The following NELFA variants were observed in gnomAD, a reference collection of about 807,000 sequenced individuals.
NELFA encodes negative elongation factor A.
A neutral mutation model predicts 51.8 loss-of-function variants in NELFA; 35 were observed. The ratio of observed to expected loss-of-function variants is 0.68; its 90% CI spans 0.52 to 0.90. The LOEUF (loss-of-function observed/expected upper bound fraction) is 0.90. NELFA is among the 40% of genes least tolerant of loss of function. The pLI is 0.00. For missense variants in NELFA, 658 were observed against 746.4 expected, an observed-to-expected ratio of 0.88 and a Z score of 1.38; for synonymous variants, 417 against 338.4, an observed-to-expected ratio of 1.23 and a Z score of -2.55.
rs181298673 is a variant in NELFA, at chr4:1,991,614, G to C, written c.312C>G (p.Gly104=). The part of the protein sequence containing the change: ...ADILKSFPDT[G]SLNLELEEQN... ...GCTCCTCCAGCTCCAGGTTAAGCGAGCCTGTGTCCGGAAAGGACTTCAAGA... is the reference window on the plus strand; with the variant it reads ...GCTCCTCCAGCTCCAGGTTAAGCGACCCTGTGTCCGGAAAGGACTTCAAGA... Residue 104 remains glycine (G), a synonymous_variant, in exon 2 of 11, where the codon GGC becomes GGG. Transcript: ENST00000382882. The C allele has an allele frequency of 1.6e-5, 26 of 1,614,050 alleles. 1 individual carries two copies. The Admixed American group carries it at 4.0e-4, about 25-fold the overall frequency.
Position 1,988,007 on chromosome 4 carries a change from G to A in NELFA, c.545C>T (p.Ser182Phe). 6.2e-7 allele frequency: 1 copy of A among 1,609,430 alleles called. No homozygotes were observed. The change falls in exon 4 of 11, where the codon TCC becomes TTC. Residue 182 changes from serine to phenylalanine, a missense_variant and splice_region_variant. Coordinates refer to ENST00000382882, the MANE Select transcript of NELFA (RefSeq NM_005663.5). ...CTTCAACTGCTGGGCGGTCTCCGTG[G>A]CTGGAAGGAAGAGGTCACATATGTC... is the stretch of plus-strand genomic sequence containing the variant. ...ATLRAELLQKSTETAQQLKRS... is the reference protein window; with the variant it reads ...ATLRAELLQKFTETAQQLKRS...
rs1727941674 is a variant in NELFA, at chr4:1,983,084, T to TTGAG, written c.*231_*234dup. ...ACTTACTACATTCAAAAATGTAACG[T>TTGAG]TGAGTCCAAAAAGTGTCTTAAATCA... On this transcript the variant is annotated 3_prime_UTR_variant, in exon 11 of 11. Transcript: ENST00000382882. The TTGAG allele has an allele frequency of 4.7e-6, 2 of 425,602 alleles. No homozygotes were observed. The highest frequency in any genetic ancestry group is 4.1e-5 in the African/African-American group (2 of 48,948). The allele number at this position is 425,602 out of a possible 1,614,324, so 26.4% of individuals were successfully genotyped here.
chr4:2,001,907 GA>G (rs34649516), intron 1 of NELFA, among the ~76,000 whole-genome samples: 19 of 121,094 alleles, frequency 1.6e-4, no homozygotes, highest in East Asian at 2.5e-4. Flanking sequence ...TGTCTCAAAA[GA>G]AAAAAAAAAA....
chr4:2,001,193 A>T (rs1207807430), intron 1 of NELFA, among the ~76,000 whole-genome samples: 3 of 152,242 alleles, frequency 2.0e-5, no homozygotes, highest in African/African-American at 7.2e-5. Context: ...TACCATATTG[A>T]ATGGGCAAAA....
In NELFA at chr4:2,000,577, TAC is replaced by T. The variant is rs1408119163; in HGVS notation, c.210+8171_210+8172del. Among the ~76,000 whole-genome samples, 15 of 152,218 alleles carry T rather than the reference TAC, an allele frequency of 9.9e-5. No individual in the cohort carries two copies. In the East Asian group the frequency reaches 2.9e-3, roughly 29 times the overall value. On this transcript the variant is annotated intron_variant, in intron 1 of 10. Transcript: ENST00000382882. ...AGAAATGGATAAATTCCTGGGTGCA[TAC>T]ACCCTCCCAAGACTAAACCAGGAAG... is the stretch of plus-strand genomic sequence containing the variant.
At chr4:1,986,615 CAA>C (rs2109055802) in intron 4 of NELFA, 2 of 649,990 alleles carry the variant, frequency 3.1e-6, no homozygotes, top group South Asian at 2.0e-5. Context: ...AGACACCAAA[CAA>C]AGACAGCGGC....
intron 3 of NELFA, among the ~76,000 whole-genome samples, chr4:1,988,543 G>A (rs574823931): frequency 6.6e-6 from 1 of 152,346 alleles, no homozygotes; most frequent in East Asian, 1.9e-4. Flanking sequence ...TACCCAGTGG[G>A]CCCGGGGCTG....
chr4:1,996,007 A>G (rs1210781674), intron 1 of NELFA, among the ~76,000 whole-genome samples: 3 of 152,170 alleles, frequency 2.0e-5, no homozygotes, highest in Non-Finnish European at 4.4e-5. Flanking sequence ...ACAGTTAAGA[A>G]TAGAATAGAT....
Position 2,006,768 on chromosome 4 carries a change from C to CAAAA in NELFA, c.210+1978_210+1981dup, listed in dbSNP as rs57055347. Among the ~76,000 whole-genome samples the CAAAA allele has an allele frequency of 2.6e-4, 21 of 79,796 alleles. 2 individuals carry two copies. Among genetic ancestry groups the CAAAA allele is most frequent in the African/African-American group, 6.1e-4 (12 of 19,708 alleles). The allele number at this position is 79,796 out of a possible 152,430, so 52.3% of individuals were successfully genotyped here. On this transcript the variant is annotated intron_variant, in intron 1 of 10. Coordinates refer to ENST00000382882, the MANE Select transcript of NELFA (RefSeq NM_005663.5). The stretch of plus-strand genomic sequence containing the variant: ...TGGGTGACAGAGTGAGACGCTGTCT[C>CAAAA]AAAAAAAAAAAAAAAAAAAAAAAAA...
At chr4:1,994,362 C>T (rs1243491104) in intron 1 of NELFA, among the ~76,000 whole-genome samples, 1 of 151,896 alleles carries the variant, frequency 6.6e-6, no homozygotes, top group South Asian at 2.1e-4. Context: ...GTCAGGAGTT[C>T]GAGATCAGCC....
intron 9 of NELFA, 65 bp from the exon 10 acceptor site, chr4:1,983,760 A>T: frequency 6.2e-7 from 1 of 1,601,682 alleles, no homozygotes; most frequent in South Asian, 1.1e-5. Flanking sequence ...ATCCCCCTGC[A>T]GGCACCGTGG....
At chr4:1,993,398 G>C (rs1187208789) in intron 1 of NELFA, among the ~76,000 whole-genome samples, 2 of 152,026 alleles carry the variant, frequency 1.3e-5, no homozygotes, top group Non-Finnish European at 2.9e-5. Flanking sequence ...TGACCCACAT[G>C]GGGAAACCCT....
chr4:1,997,856 A>G (rs1393773050), intron 1 of NELFA, among the ~76,000 whole-genome samples: 1 of 152,100 alleles, frequency 6.6e-6, no homozygotes, highest in African/African-American at 2.4e-5. Flanking sequence ...GTTGTCAGAC[A>G]CCCTATACAG....
Position 1,983,457 on chromosome 4 carries a change from G to A in NELFA, c.1449C>T (p.Ser483=), listed in dbSNP as rs376350099. 19 of 1,614,036 alleles carry A rather than the reference G, an allele frequency of 1.2e-5. No homozygotes were observed. The highest frequency in any genetic ancestry group is 3.3e-5 in the South Asian group (3 of 91,088). Reference sequence around the variant, plus strand: ...CCTTGGGCAGGTCCTCCGTGTGCTCGCTCAGCTTGATCTGGATCACGTCCC... The same window carrying A: ...CCTTGGGCAGGTCCTCCGTGTGCTCACTCAGCTTGATCTGGATCACGTCCC... ...EQGDVIQIKL[S]EHTEDLPKAD... The change falls in exon 11 of 11, where the codon AGC becomes AGT. Residue 483 remains serine (S), a synonymous_variant. Transcript: ENST00000382882.
chr4:1,995,957 C>A (rs548843246), intron 1 of NELFA, among the ~76,000 whole-genome samples: 143 of 151,646 alleles, frequency 9.4e-4, no homozygotes, highest in Non-Finnish European at 1.5e-3. Context: ...TGAGTCCAGC[C>A]CGGGCAACAT....
At chr4:2,000,053 C>T (rs1187125041) in intron 1 of NELFA, among the ~76,000 whole-genome samples, 1 of 152,104 alleles carries the variant, frequency 6.6e-6, no homozygotes, top group East Asian at 1.9e-4. Flanking sequence ...AGGCAGAAAT[C>T]AAGAATTTCT....
At position 2,008,901 on chromosome 4, in the gene NELFA, G is replaced by T; in HGVS notation, c.59C>A (p.Thr20Lys). The T allele has an allele frequency of 6.3e-7, 1 of 1,584,298 alleles. No individual in the cohort carries two copies. The change falls in exon 1 of 11, where the codon ACG (threonine) becomes AAG (lysine). Residue 20 changes from threonine to lysine, a missense_variant. This residue lies in a region of NELFA where 371 missense variants were observed against 448.3 expected (regional missense o/e 0.83). Transcript: ENST00000382882. ...GCTGGGCGGCGCCCACAGCTCGTCC[G>T]TGGCCCCCAGCTTGTTGTGCAGCCA... ...GLWLHNKLGA[T>K]DELWAPPSIA... is the part of the protein sequence containing the mutation.
intron 1 of NELFA, among the ~76,000 whole-genome samples, chr4:1,993,225 T>A (rs1329492443): frequency 6.6e-6 from 1 of 152,250 alleles, no homozygotes; most frequent in African/African-American, 2.4e-5. Context: ...GTGGAGTCAA[T>A]GTTTTCTCTC....
At chr4:1,994,537 C>T (rs1280115958) in intron 1 of NELFA, among the ~76,000 whole-genome samples, 1 of 151,468 alleles carries the variant, frequency 6.6e-6, no homozygotes, top group Non-Finnish European at 1.5e-5. Flanking sequence ...TGTACTCCAG[C>T]CTGGGCAACA....
Sources: allele counts gnomAD v4.1 joint callset (sites outside exome capture counted in the v4.1 genomes callset), GRCh38; gene constraint gnomAD v4.1.1; regional missense constraint gnomAD v4.1.1; transcripts MANE v1.5; gene names NCBI Gene and HGNC (gene_info 2026-07-23, HGNC 2026-07-21).